The following CNTN3 variants were observed in gnomAD, a reference collection of about 807,000 sequenced individuals.
CNTN3 encodes the protein contactin 3.
CNTN3 carries 60 observed loss-of-function variants against 119.1 expected under a neutral mutation model. That is an observed-to-expected ratio of 0.50 (90% CI 0.41 to 0.62). CNTN3 has a LOEUF of 0.62. Ranked by LOEUF, CNTN3 falls within the 20% of genes least tolerant of loss-of-function variation. CNTN3 has a pLI of 0.00. For missense variants in CNTN3, 1,101 were observed against 1,242.4 expected (o/e 0.89, Z 1.71); for synonymous variants, 450 against 438.7 (o/e 1.03, Z -0.32).
chr3:74,366,778 GTGTATATATATATA>G (rs1263449499), intron 8 of CNTN3, among the ~76,000 whole-genome samples: 6 of 40,908 alleles, frequency 1.5e-4, no homozygotes, highest in South Asian at 3.3e-3. Flanking sequence ...GTGTGTGTGT[GTGTATATATATATA>G]TATATATATA....
chr3:74,543,418 A>C (rs1304612359), intron 1 of CNTN3, among the ~76,000 whole-genome samples: 1 of 152,176 alleles, frequency 6.6e-6, no homozygotes, highest in Non-Finnish European at 1.5e-5. Context: ...TTGGATACTT[A>C]TCTCTGTTTT....
intron 1 of CNTN3, among the ~76,000 whole-genome samples, chr3:74,562,615 G>A (rs1053693943): frequency 5.3e-5 from 8 of 152,078 alleles, no homozygotes; most frequent in Admixed American, 1.3e-4. Context: ...GGCCTGTGAA[G>A]GTTTTTATAT....
chr3:74,530,997 G>T lies in CNTN3; in HGVS notation c.-80-9805C>A, dbSNP rs186909117. On this transcript the variant is annotated intron_variant, in intron 1 of 22. Coordinates refer to ENST00000263665, the MANE Select transcript of CNTN3 (RefSeq NM_020872.3). ...CAACAGGATCCATCAAGTTGAACTT[G>T]CTGGTCTCCTTTCTTCTCTTCCGGG... Among the ~76,000 whole-genome samples the T allele has an allele frequency of 1.7e-4, 26 of 152,068 alleles. 1 individual carries two copies. The highest frequency in any genetic ancestry group is 3.8e-4 in the Non-Finnish European group (26 of 67,922).
At chr3:74,568,809 G>A (rs554323562) in intron 1 of CNTN3, among the ~76,000 whole-genome samples, 1 of 152,320 alleles carries the variant, frequency 6.6e-6, no homozygotes, top group South Asian at 2.1e-4. Context: ...AGCGGGCAAA[G>A]GGCTTCTGTT....
intron 2 of CNTN3, among the ~76,000 whole-genome samples, chr3:74,503,257 C>T (rs1321335112): frequency 6.6e-6 from 1 of 152,132 alleles, no homozygotes; most frequent in African/African-American, 2.4e-5. Context: ...AATTAACCAA[C>T]AGCCTGCTTT....
chr3:74,330,144 T>C (rs893887661), intron 13 of CNTN3, among the ~76,000 whole-genome samples: 1 of 152,024 alleles, frequency 6.6e-6, no homozygotes, highest in East Asian at 1.9e-4. Context: ...TCACCTGAGG[T>C]CAGGAGTTCA....
At chr3:74,288,154 C>CTTTTTTTTTTTT (rs1299127961) in intron 19 of CNTN3, among the ~76,000 whole-genome samples, 10 of 88,286 alleles carry the variant, frequency 1.1e-4, no homozygotes, top group East Asian at 1.5e-3. Flanking sequence ...CTTTTCTTTT[C>CTTTTTTTTTTTT]TTTTCTTTTT....
intron 1 of CNTN3, among the ~76,000 whole-genome samples, chr3:74,584,288 A>T (rs1009912758): frequency 2.0e-5 from 3 of 152,164 alleles, no homozygotes; most frequent in African/African-American, 7.2e-5. Flanking sequence ...ATGAGATAAT[A>T]TATAGGAAAA....
At chr3:74,493,120 AT>A (rs1702998455) in intron 3 of CNTN3, among the ~76,000 whole-genome samples, 2 of 152,132 alleles carry the variant, frequency 1.3e-5, no homozygotes, top group African/African-American at 4.8e-5. Flanking sequence ...AGTTATTATT[AT>A]TTAACATATT....
chr3:74,267,574 T>C lies in CNTN3; in HGVS notation c.2705-196A>G, dbSNP rs112248341. 102 of 509,288 alleles carry C rather than the reference T, an allele frequency of 2.0e-4. 1 individual carries two copies. Among genetic ancestry groups the C allele is most frequent in the African/African-American group, 1.8e-3 (92 of 52,506 alleles). 31.5% of individuals were successfully genotyped at this position (509,288 alleles called of 1,614,324 possible). On this transcript the variant is annotated intron_variant, in intron 20 of 22. Coordinates refer to ENST00000263665, the MANE Select transcript of CNTN3 (RefSeq NM_020872.3). ...TTTTTTTAGAAAGGCATTTCATTCA[T>C]ACACCAAACCCCCGTGACACGTAAT...
rs1183918713 is a variant in CNTN3, at chr3:74,509,271, C to T, written c.56-9486G>A. Among the ~76,000 whole-genome samples, 4 of 151,270 alleles carry T rather than the reference C, an allele frequency of 2.6e-5. No individual in the cohort carries two copies. In the East Asian group the frequency reaches 5.8e-4, roughly 22 times the overall value. On this transcript the variant is annotated intron_variant, in intron 2 of 22. Transcript: ENST00000263665. ...TGCTAAATCACCTAATTCTAAGTGACTATTAAGCACTCTGAATAAAAAAGT... is the reference window on the plus strand; with the variant it reads ...TGCTAAATCACCTAATTCTAAGTGATTATTAAGCACTCTGAATAAAAAAGT...
intron 5 of CNTN3, among the ~76,000 whole-genome samples, chr3:74,416,927 G>T (rs1182888667): frequency 6.6e-5 from 10 of 151,882 alleles, no homozygotes; most frequent in Non-Finnish European, 1.5e-4. Context: ...GGTGGAGGTT[G>T]CAGTGAGCCA....
chr3:74,603,253 C>T (rs1704940364), intron 1 of CNTN3, among the ~76,000 whole-genome samples: 1 of 152,124 alleles, frequency 6.6e-6, no homozygotes, highest in African/African-American at 2.4e-5. Flanking sequence ...GAGACAGTTC[C>T]CCTAAGGCAA....
chr3:74,450,145 A>AG (rs1702121287), intron 4 of CNTN3, among the ~76,000 whole-genome samples: 1 of 152,128 alleles, frequency 6.6e-6, no homozygotes, highest in Non-Finnish European at 1.5e-5. Flanking sequence ...AATAAATGGT[A>AG]GCTATATTTC....
intron 1 of CNTN3, among the ~76,000 whole-genome samples, chr3:74,578,251 G>GA (rs1252689168): frequency 2.6e-5 from 4 of 151,670 alleles, no homozygotes; most frequent in Non-Finnish European, 5.9e-5. Flanking sequence ...AATACTACTG[G>GA]AAAAAAATAC....
At chr3:74,296,133 G>A (rs946356571) in intron 18 of CNTN3, among the ~76,000 whole-genome samples, 1 of 152,070 alleles carries the variant, frequency 6.6e-6, no homozygotes, top group African/African-American at 2.4e-5. Context: ...TGGATTCACA[G>A]AGACACCCTA....
intron 5 of CNTN3, among the ~76,000 whole-genome samples, chr3:74,422,624 G>A (rs967112428): frequency 8.6e-5 from 13 of 152,026 alleles, no homozygotes; most frequent in Non-Finnish European, 1.3e-4. Flanking sequence ...CCTCCTTTCC[G>A]ATCAATGAAT....
chr3:74,513,018 A>C (rs960473951), intron 2 of CNTN3, among the ~76,000 whole-genome samples: 3 of 151,592 alleles, frequency 2.0e-5, no homozygotes, highest in Non-Finnish European at 4.4e-5. Flanking sequence ...TATCCACTAA[A>C]AATTTAATAA....
rs1044916907 is a variant in CNTN3, at chr3:74,614,496, G to A, written c.-186C>T. Among the ~76,000 whole-genome samples the A allele has an allele frequency of 2.1e-5, 3 of 145,434 alleles. No homozygotes were observed. The highest frequency in any genetic ancestry group is 4.9e-5 in the African/African-American group (2 of 40,452). ...GCCGCCGCAGTTAGTCCGGGCCCGG[G>A]GGGCCGCCGTGCGCGCCCGCGTAAG... On this transcript the variant is annotated 5_prime_UTR_variant, in exon 1 of 23. Coordinates refer to ENST00000263665, the MANE Select transcript of CNTN3 (RefSeq NM_020872.3).
Sources: gnomAD v4.1 joint callset for allele counts (sites outside exome capture counted in the v4.1 genomes callset) on GRCh38, gnomAD v4.1.1 for gene constraint, MANE v1.5 for transcripts, NCBI Gene and HGNC (gene_info 2026-07-23, HGNC 2026-07-21) for gene names.